Variants in PAX5 observed in about 807,000 individuals in gnomAD.
PAX5 encodes paired box protein Pax-5.
PAX5 carries 9 observed loss-of-function variants against 43.7 expected under a neutral mutation model. That is an observed-to-expected ratio of 0.21 (90% CI 0.12 to 0.36). The LOEUF (loss-of-function observed/expected upper bound fraction) is 0.36. Ranked by LOEUF, PAX5 falls within the 10% of genes least tolerant of loss-of-function variation. The pLI is 1.00. For synonymous variants in PAX5, 228 were observed against 214.3 expected (o/e 1.06, Z -0.56); for missense variants, 383 against 532.7 (o/e 0.72, Z 2.77).
chr9:36,888,644 G>A (rs529227838), intron 7 of PAX5, among the ~76,000 whole-genome samples: 20 of 152,326 alleles, frequency 1.3e-4, no homozygotes, highest in African/African-American at 4.8e-4. Flanking sequence ...GCAAAGACAT[G>A]AAGGGAAGAT....
intron 6 of PAX5, among the ~76,000 whole-genome samples, chr9:36,937,334 C>G (rs527359124): frequency 6.6e-6 from 1 of 152,156 alleles, no homozygotes. Flanking sequence ...AGTTCACCCC[C>G]CAGCAGTGCG....
intron 5 of PAX5, among the ~76,000 whole-genome samples, chr9:36,969,099 G>A (rs1834703716): frequency 6.6e-6 from 1 of 152,166 alleles, no homozygotes; most frequent in African/African-American, 2.4e-5. Flanking sequence ...CCACTTTCAA[G>A]AGCTTCTCCC....
chr9:36,958,625 C>T (rs1000335026), intron 6 of PAX5, among the ~76,000 whole-genome samples: 4 of 152,136 alleles, frequency 2.6e-5, no homozygotes, highest in African/African-American at 9.7e-5. Context: ...CCCTAGCAAT[C>T]GCCTCCTGGT....
At chr9:36,898,066 T>C (rs555299349) in intron 7 of PAX5, among the ~76,000 whole-genome samples, 1 of 152,306 alleles carries the variant, frequency 6.6e-6, no homozygotes, top group South Asian at 2.1e-4. Flanking sequence ...CCATGCCCCT[T>C]GCTCTGCCTC....
Position 37,031,464 on chromosome 9 carries a change from A to T in PAX5, c.46+2522T>A, listed in dbSNP as rs544700996. Among the ~76,000 whole-genome samples, 36 of 152,288 alleles carry T rather than the reference A, an allele frequency of 2.4e-4. 1 individual carries two copies. In the South Asian group the frequency reaches 7.3e-3, roughly 31 times the overall value. Reference sequence around the variant, plus strand: ...TGCCCAGTGGGAAAGTACTCAATCCATCCAGGTCTGCCCGGATCTAAGGAC... The same window carrying T: ...TGCCCAGTGGGAAAGTACTCAATCCTTCCAGGTCTGCCCGGATCTAAGGAC... On this transcript the variant is annotated intron_variant, in intron 1 of 9. Coordinates refer to ENST00000358127, the MANE Select transcript of PAX5 (RefSeq NM_016734.3).
At chr9:36,945,366 C>G (rs1185872085) in intron 6 of PAX5, among the ~76,000 whole-genome samples, 1 of 152,172 alleles carries the variant, frequency 6.6e-6, no homozygotes, top group African/African-American at 2.4e-5. Flanking sequence ...CTCAGCCTCC[C>G]TAGTAGCTGG....
chr9:36,902,050 G>T (rs1828445316), intron 7 of PAX5, among the ~76,000 whole-genome samples: 1 of 152,074 alleles, frequency 6.6e-6, no homozygotes, highest in Admixed American at 6.5e-5. Flanking sequence ...AGACCAGGGT[G>T]TCCCTGTGAT....
intron 1 of PAX5, among the ~76,000 whole-genome samples, chr9:37,029,927 T>C (rs1379582118): frequency 6.6e-6 from 1 of 152,058 alleles, no homozygotes; most frequent in Non-Finnish European, 1.5e-5. Flanking sequence ...TGGAAACCTT[T>C]CTCAAAAGCG....
chr9:36,927,476 A>C (rs1830735381), intron 6 of PAX5, among the ~76,000 whole-genome samples: 1 of 152,222 alleles, frequency 6.6e-6, no homozygotes, highest in South Asian at 2.1e-4. Flanking sequence ...TTCAGTATCA[A>C]ACAAAGCTCG....
chr9:36,992,986 G>T (rs1308973223), intron 5 of PAX5, among the ~76,000 whole-genome samples: 3 of 152,184 alleles, frequency 2.0e-5, no homozygotes, highest in Non-Finnish European at 2.9e-5. Context: ...TGTTACACAG[G>T]TATACATGTG....
chr9:36,981,090 C>T (rs1835871915), intron 5 of PAX5, among the ~76,000 whole-genome samples: 4 of 152,020 alleles, frequency 2.6e-5, no homozygotes, highest in Non-Finnish European at 2.9e-5. Context: ...CGGAAACTTC[C>T]TCCCCCAGAT....
chr9:37,002,819 GGGC>G, intron 4 of PAX5, 43 bp from the exon 5 acceptor site: 4 of 1,575,796 alleles, frequency 2.5e-6, no homozygotes, highest in Non-Finnish European at 3.4e-6. Context: ...AGAGGGCTGA[GGGC>G]GGCGGACCGG....
intron 6 of PAX5, among the ~76,000 whole-genome samples, chr9:36,955,073 C>T (rs947655357): frequency 2.0e-5 from 3 of 152,116 alleles, no homozygotes; most frequent in African/African-American, 7.2e-5. Flanking sequence ...ATTTGATTCT[C>T]TTTCTAGTCT....
intron 5 of PAX5, among the ~76,000 whole-genome samples, chr9:36,984,918 G>A (rs530491959): frequency 7.9e-5 from 12 of 152,296 alleles, no homozygotes; most frequent in South Asian, 4.2e-4. Flanking sequence ...AAGAGAGCTG[G>A]GCTGGGAGCA....
At position 37,015,515 on chromosome 9, in the gene PAX5, T is replaced by C. The variant is rs1257500828; in HGVS notation, c.213-321A>G. 6.6e-6 allele frequency among the ~76,000 whole-genome samples: 1 copy of C among 151,846 alleles called. No individual in the cohort carries two copies. Among genetic ancestry groups the C allele is most frequent in the Non-Finnish European group, 1.5e-5 (1 of 67,982 alleles). The stretch of plus-strand genomic sequence containing the variant: ...ATATATAATTAAAATATAGTACCTC[T>C]TTTTTTTAACTTTTCTTAATGTGCT... On this transcript the variant is annotated intron_variant, in intron 2 of 9. Coordinates refer to ENST00000358127, the MANE Select transcript of PAX5 (RefSeq NM_016734.3). The surrounding 1 kb of genome is among the most constrained non-coding windows in gnomAD (Gnocchi z 4.4).
chr9:36,941,728 A>G (rs973900153), intron 6 of PAX5, among the ~76,000 whole-genome samples: 8 of 144,848 alleles, frequency 5.5e-5, no homozygotes, highest in Admixed American at 2.7e-4. Context: ...CCCACAAGTC[A>G]AGGTGATTCT....
intron 6 of PAX5, among the ~76,000 whole-genome samples, chr9:36,960,841 C>T (rs994472042): frequency 6.6e-5 from 10 of 152,248 alleles, no homozygotes; most frequent in Admixed American, 6.5e-4. Context: ...TCTCTTCCCA[C>T]AGTCCTTTGC....
chr9:36,923,198 C>T, intron 7 of PAX5, 157 bp downstream of exon 7: 1 of 804,938 alleles, frequency 1.2e-6, no homozygotes, highest in Non-Finnish European at 1.9e-6. Context: ...AGCTGCAACC[C>T]TGGCCCCAGC....
chr9:36,927,384 G>A (rs1830728664), intron 6 of PAX5, among the ~76,000 whole-genome samples: 1 of 152,148 alleles, frequency 6.6e-6, no homozygotes, highest in Admixed American at 6.5e-5. Flanking sequence ...TGGTCAACAG[G>A]GATATATCCT....
Sources: allele counts gnomAD v4.1 joint callset (sites outside exome capture counted in the v4.1 genomes callset), GRCh38; gene constraint gnomAD v4.1.1; non-coding constraint Gnocchi (gnomAD v3.1); transcripts MANE v1.5; gene names NCBI Gene and HGNC (gene_info 2026-07-23, HGNC 2026-07-21).